The following KCNH8 variants were observed in gnomAD, a reference collection of about 807,000 sequenced individuals.
The protein encoded by KCNH8 is voltage-gated delayed rectifier potassium channel KCNH8.
In KCNH8, 70 loss-of-function variants were observed where a neutral mutation model predicts 103.6. The ratio of observed to expected loss-of-function variants is 0.68; its 90% CI spans 0.56 to 0.82. The LOEUF is 0.82. KCNH8 is among the 40% of genes least tolerant of loss of function. The probability of loss-of-function intolerance (pLI) is 0.00; values close to 1 mark genes in which losing one functional copy is unlikely to be tolerated. For synonymous variants in KCNH8, 498 were observed against 489.4 expected, an observed-to-expected ratio of 1.02 and a Z score of -0.23; for missense variants, 1,217 against 1,329.9, an observed-to-expected ratio of 0.92 and a Z score of 1.32.
chr3:19,203,926 A>C (rs947730802), intron 1 of KCNH8, among the ~76,000 whole-genome samples: 1 of 152,116 alleles, frequency 6.6e-6, no homozygotes, highest in Admixed American at 6.6e-5. Context: ...GAAATATTTT[A>C]ATGTTAATGT....
At chr3:19,329,123 G>T (rs1355690211) in intron 3 of KCNH8, among the ~76,000 whole-genome samples, 3 of 152,114 alleles carry the variant, frequency 2.0e-5, no homozygotes, top group African/African-American at 7.2e-5. Flanking sequence ...TCTTTTAAGA[G>T]TTAGGATTCC....
At chr3:19,347,159 A>T (rs200980276) in intron 4 of KCNH8, among the ~76,000 whole-genome samples, 1 of 152,240 alleles carries the variant, frequency 6.6e-6, no homozygotes, top group Admixed American at 6.6e-5. Context: ...AACTTCACCA[A>T]CAGCCACAGT....
At chr3:19,285,491 G>T (rs534950778) in intron 3 of KCNH8, among the ~76,000 whole-genome samples, 1 of 152,214 alleles carries the variant, frequency 6.6e-6, no homozygotes, top group Admixed American at 6.5e-5. Context: ...ACGTAGCACA[G>T]GGCATATAGA....
chr3:19,183,280 G>A lies in KCNH8; in HGVS notation c.76+34485G>A, dbSNP rs79956928. On this transcript the variant is annotated intron_variant, in intron 1 of 15. Transcript: ENST00000328405. ...TATCATTGTCTATGTAGAAAGCCCT[G>A]GAGAATATAAATACTGTTAGAACAA... Among the ~76,000 whole-genome samples the A allele has an allele frequency of 3.3e-4, 50 of 152,186 alleles. 1 individual carries two copies. In the East Asian group the frequency reaches 9.5e-3, roughly 29 times the overall value.
At chr3:19,308,650 GTCTCTCTCTCTCTCTCTCTCTCTC>G (rs1163604706) in intron 3 of KCNH8, among the ~76,000 whole-genome samples, 827 of 51,346 alleles carry the variant, frequency 0.016, 103 homozygotes, top group Non-Finnish European at 0.024. Flanking sequence ...GAATGTTGGG[GTCTCTCTCTCTCTCTCTCTCTCTC>G]TCTCTCTCTC....
At chr3:19,204,241 T>C (rs2063691082) in intron 1 of KCNH8, among the ~76,000 whole-genome samples, 1 of 152,034 alleles carries the variant, frequency 6.6e-6, no homozygotes. Context: ...GTCATAAGCA[T>C]GTGTGATCTT....
intron 11 of KCNH8, among the ~76,000 whole-genome samples, chr3:19,467,510 G>A (rs2067766752): frequency 6.6e-6 from 1 of 152,152 alleles, no homozygotes; most frequent in Admixed American, 6.5e-5. Context: ...CAAAGTATGT[G>A]TTTCCTTTGT....
intron 1 of KCNH8, among the ~76,000 whole-genome samples, chr3:19,180,132 G>A (rs1256552895): frequency 6.6e-6 from 1 of 152,066 alleles, no homozygotes; most frequent in African/African-American, 2.4e-5. Context: ...AAAGTTTAGA[G>A]AAAATATGCT....
rs1413739483 is a variant in KCNH8 at position 19,164,116 on chromosome 3, T to G, written c.76+15321T>G. ...CAACAGCTGATATAACACTGATATCTCTTTAATTTTCATATGCTAGAAACA... is the reference window on the plus strand; with the variant it reads ...CAACAGCTGATATAACACTGATATCGCTTTAATTTTCATATGCTAGAAACA... On this transcript the variant is annotated intron_variant, in intron 1 of 15. Coordinates refer to ENST00000328405, the MANE Select transcript of KCNH8 (RefSeq NM_144633.3). Among the ~76,000 whole-genome samples, 3 of 152,188 alleles carry G rather than the reference T, an allele frequency of 2.0e-5. No homozygotes were observed. In the East Asian group the frequency reaches 5.8e-4, roughly 29 times the overall value.
chr3:19,243,080 G>A (rs1332572956), intron 1 of KCNH8, among the ~76,000 whole-genome samples: 1 of 152,054 alleles, frequency 6.6e-6, no homozygotes, highest in African/African-American at 2.4e-5. Context: ...CTATTGTGAG[G>A]GCCACAGATT....
At chr3:19,154,109 T>A (rs542685201) in intron 1 of KCNH8, among the ~76,000 whole-genome samples, 2 of 152,214 alleles carry the variant, frequency 1.3e-5, no homozygotes, top group Non-Finnish European at 2.9e-5. Context: ...GACAAAGGGC[T>A]ATGCACATTT....
chr3:19,355,072 G>A (rs920219345), intron 5 of KCNH8, among the ~76,000 whole-genome samples: 6 of 152,102 alleles, frequency 3.9e-5, no homozygotes, highest in Admixed American at 3.3e-4. Flanking sequence ...AGTGGGCAAA[G>A]GATATGAACA....
chr3:19,501,160 T>A (rs2068573963), intron 11 of KCNH8, among the ~76,000 whole-genome samples: 1 of 152,010 alleles, frequency 6.6e-6, no homozygotes, highest in Non-Finnish European at 1.5e-5. Context: ...TCTATGCAAA[T>A]AAACTGCAAA....
chr3:19,422,678 T>C (rs990749511), intron 7 of KCNH8, among the ~76,000 whole-genome samples: 1 of 152,124 alleles, frequency 6.6e-6, no homozygotes, highest in African/African-American at 2.4e-5. Flanking sequence ...TTTTTTATCA[T>C]TTAACAAATA....
chr3:19,206,796 G>T (rs2063721343), intron 1 of KCNH8, among the ~76,000 whole-genome samples: 2 of 152,012 alleles, frequency 1.3e-5, no homozygotes. Flanking sequence ...TGAACTGAAG[G>T]AAGAAAGACA....
At chr3:19,450,595 A>AT in intron 9 of KCNH8, 1 of 402,610 alleles carries the variant, frequency 2.5e-6, no homozygotes, top group South Asian at 2.3e-5. Context: ...TCTTACGATA[A>AT]TTTAACAGTG....
At chr3:19,509,717 TG>T (rs958372564) in intron 11 of KCNH8, among the ~76,000 whole-genome samples, 1 of 152,200 alleles carries the variant, frequency 6.6e-6, no homozygotes, top group African/African-American at 2.4e-5. Context: ...CTTCTTTTTT[TG>T]TGATCAGTGG....
Position 19,204,720 on chromosome 3 carries a change from A to G in KCNH8, c.77-48934A>G, listed in dbSNP as rs796198667. Among the ~76,000 whole-genome samples the G allele has an allele frequency of 1.2e-4, 19 of 152,206 alleles. 1 individual carries two copies. Among genetic ancestry groups the G allele is most frequent in the African/African-American group, 3.9e-4 (16 of 41,558 alleles). Reference sequence around the variant, plus strand: ...TTATGATAGCCATAATTGGAATCCAAACAATGCAGAAAATTATTATACACC... The same window carrying G: ...TTATGATAGCCATAATTGGAATCCAGACAATGCAGAAAATTATTATACACC... On this transcript the variant is annotated intron_variant, in intron 1 of 15. Transcript: ENST00000328405.
intron 7 of KCNH8, among the ~76,000 whole-genome samples, chr3:19,434,145 T>C (rs2067162375): frequency 6.6e-6 from 1 of 152,102 alleles, no homozygotes; most frequent in African/African-American, 2.4e-5. Flanking sequence ...ACAAAAAGTG[T>C]TTTTAAAGCA....
Sources: gnomAD v4.1 joint callset for allele counts (sites outside exome capture counted in the v4.1 genomes callset) on GRCh38, gnomAD v4.1.1 for gene constraint, MANE v1.5 for transcripts, NCBI Gene and HGNC (gene_info 2026-07-23, HGNC 2026-07-21) for gene names.